NELL2: variants seen among roughly 807,000 people sequenced by gnomAD.
NELL2 encodes the protein protein kinase C-binding protein NELL2.
A neutral mutation model predicts 109.6 loss-of-function variants in NELL2; 41 were observed. The ratio of observed to expected loss-of-function variants is 0.37; its 90% CI spans 0.29 to 0.49. NELL2 has a LOEUF of 0.49. Among genes scored for constraint, NELL2 ranks in the 20% least tolerant of loss-of-function variants. The pLI is 0.98. For missense variants in NELL2, 900 were observed against 1,008.3 expected (o/e 0.89, Z 1.45); for synonymous variants, 355 against 344.7 (o/e 1.03, Z -0.33).
chr12:44,730,837 G>C (rs575429124), intron 9 of NELL2, among the ~76,000 whole-genome samples: 86 of 151,896 alleles, frequency 5.7e-4, no homozygotes, highest in South Asian at 1.0e-3. Flanking sequence ...CTAACATAAG[G>C]GTTGTTTTTT....
chr12:44,706,890 T>C (rs1239911880), intron 11 of NELL2, among the ~76,000 whole-genome samples: 2 of 152,210 alleles, frequency 1.3e-5, no homozygotes, highest in African/African-American at 4.8e-5. Context: ...TTCTATGTTT[T>C]TCTATCAAGT....
intron 13 of NELL2, among the ~76,000 whole-genome samples, chr12:44,642,965 A>G (rs1188304926): frequency 2.6e-5 from 4 of 152,224 alleles, no homozygotes; most frequent in Non-Finnish European, 5.9e-5. Flanking sequence ...TAAAAGCACG[A>G]AGATACATAC....
rs566257290 is a variant in NELL2 at position 44,532,299 on chromosome 12, T to C, written c.1804+282A>G. On this transcript the variant is annotated intron_variant, in intron 16 of 19. Coordinates refer to ENST00000429094, the MANE Select transcript of NELL2 (RefSeq NM_001145108.2). ...GCTTGCATGCTTTCGTTTTAAAAAA[T>C]TTATGTGATACTACATGTTTTTTCA... 2.0e-5 allele frequency among the ~76,000 whole-genome samples: 3 copies of C among 152,286 alleles called. No homozygotes were observed. In the South Asian group the frequency reaches 6.2e-4, roughly 32 times the overall value.
intron 18 of NELL2, among the ~76,000 whole-genome samples, chr12:44,520,548 A>T (rs1176648339): frequency 1.3e-5 from 2 of 152,184 alleles, no homozygotes; most frequent in African/African-American, 4.8e-5. Context: ...CAAAGGAGAG[A>T]GGTTTCAATT....
intron 9 of NELL2, 38 bp from the exon 10 acceptor site, chr12:44,714,779 G>T: frequency 7.4e-7 from 1 of 1,342,994 alleles, no homozygotes. Flanking sequence ...TATTTTATTG[G>T]GAAAAATAGC....
intron 3 of NELL2, among the ~76,000 whole-genome samples, chr12:44,788,782 C>T (rs917120558): frequency 6.6e-6 from 1 of 152,156 alleles, no homozygotes; most frequent in African/African-American, 2.4e-5. Context: ...AAGTCTAGCT[C>T]ACCCACCACC....
intron 2 of NELL2, among the ~76,000 whole-genome samples, chr12:44,824,901 G>A (rs1274276554): frequency 6.6e-6 from 1 of 151,540 alleles, no homozygotes; most frequent in Non-Finnish European, 1.5e-5. Context: ...TAGTAGAGGC[G>A]GGGTTTCACC....
At chr12:44,825,356 A>G (rs1943675598) in intron 2 of NELL2, among the ~76,000 whole-genome samples, 1 of 138,972 alleles carries the variant, frequency 7.2e-6, no homozygotes, top group South Asian at 2.3e-4. Flanking sequence ...ACGTATTTTT[A>G]TAGCTATTAT....
chr12:44,623,537 T>C (rs1019985368), intron 13 of NELL2, among the ~76,000 whole-genome samples: 2 of 152,090 alleles, frequency 1.3e-5, no homozygotes, highest in African/African-American at 4.8e-5. Context: ...CTCAGAATCA[T>C]TCACTTTTAC....
chr12:44,780,732 G>C (rs1941927387), intron 3 of NELL2, among the ~76,000 whole-genome samples: 7 of 152,016 alleles, frequency 4.6e-5, no homozygotes, highest in Admixed American at 4.6e-4. Flanking sequence ...TAGTCATCCA[G>C]CAGTAATGAA....
At chr12:44,791,984 T>G (rs187581167) in intron 3 of NELL2, among the ~76,000 whole-genome samples, 1 of 151,158 alleles carries the variant, frequency 6.6e-6, no homozygotes, top group African/African-American at 2.4e-5. Flanking sequence ...CTTTGACATT[T>G]TGAGGCACAG....
At chr12:44,608,263 A>T (rs1945478140) in intron 14 of NELL2, among the ~76,000 whole-genome samples, 1 of 152,108 alleles carries the variant, frequency 6.6e-6, no homozygotes, top group Non-Finnish European at 1.5e-5. Flanking sequence ...GGTAGAATAC[A>T]CTTTTTCAGA....
At chr12:44,853,055 C>T (rs747864884) in intron 2 of NELL2, among the ~76,000 whole-genome samples, 1 of 151,948 alleles carries the variant, frequency 6.6e-6, no homozygotes, top group Non-Finnish European at 1.5e-5. Flanking sequence ...TTAGAGGCCT[C>T]ATTTCTTGTG....
At chr12:44,541,524 A>G (rs1359519012) in intron 15 of NELL2, among the ~76,000 whole-genome samples, 1 of 152,138 alleles carries the variant, frequency 6.6e-6, no homozygotes, top group Non-Finnish European at 1.5e-5. Context: ...AATAGAGGAA[A>G]AATATGAAAA....
chr12:44,526,827 G>A (rs1308170039), intron 16 of NELL2, among the ~76,000 whole-genome samples: 4 of 152,212 alleles, frequency 2.6e-5, no homozygotes, highest in Admixed American at 2.6e-4. Flanking sequence ...CACCAGGGCT[G>A]TTCAGTAAGT....
At chr12:44,627,711 A>C (rs562123811) in intron 13 of NELL2, among the ~76,000 whole-genome samples, 142 of 152,288 alleles carry the variant, frequency 9.3e-4, no homozygotes, top group African/African-American at 3.1e-3. Flanking sequence ...AAAAAAAACA[A>C]GTAGAATCAC....
At chr12:44,588,170 C>CAA (rs35003349) in intron 15 of NELL2, among the ~76,000 whole-genome samples, 7 of 100,988 alleles carry the variant, frequency 6.9e-5, no homozygotes, top group South Asian at 3.0e-4. Context: ...GACTCCGTCT[C>CAA]AAAAAAAAAA....
At chr12:44,744,224 C>A (rs1375657173) in intron 9 of NELL2, among the ~76,000 whole-genome samples, 1 of 152,088 alleles carries the variant, frequency 6.6e-6, no homozygotes, top group Non-Finnish European at 1.5e-5. Context: ...GAAATGAAGG[C>A]AGAAATAAAG....
chr12:44,792,402 G>A (rs1336760026), intron 3 of NELL2, among the ~76,000 whole-genome samples: 3 of 152,014 alleles, frequency 2.0e-5, no homozygotes, highest in Non-Finnish European at 4.4e-5. Flanking sequence ...TGCTGCTGCG[G>A]ATAATCTTGT....
Sources: allele counts gnomAD v4.1 joint callset (sites outside exome capture counted in the v4.1 genomes callset), GRCh38; gene constraint gnomAD v4.1.1; transcripts MANE v1.5; gene names NCBI Gene and HGNC (gene_info 2026-07-23, HGNC 2026-07-21).